Variants in CCDC171 observed in about 807,000 individuals in gnomAD.
CCDC171 encodes coiled-coil domain containing 171, also known as coiled-coil domain-containing protein 171.
Under a neutral mutation model 168.2 loss-of-function variants are expected in CCDC171, and 177 were observed. The observed-to-expected ratio is 1.05, with a 90% confidence interval of 0.93 to 1.19. The LOEUF (loss-of-function observed/expected upper bound fraction) is 1.19. Among genes scored for constraint, CCDC171 ranks in the 50% most tolerant of loss-of-function variants. The pLI is 0.00. For missense variants in CCDC171, 1,991 were observed against 1,539.0 expected, an observed-to-expected ratio of 1.29 and a Z score of -4.91; for synonymous variants, 687 against 540.8, an observed-to-expected ratio of 1.27 and a Z score of -3.75.
At chr9:15,641,551 G>A (rs192233085) in intron 7 of CCDC171, among the ~76,000 whole-genome samples, 78 of 152,264 alleles carry the variant, frequency 5.1e-4, no homozygotes, top group African/African-American at 1.7e-3. Context: ...GGGTATGTTT[G>A]GTTAGTTCTG....
intron 6 of CCDC171, among the ~76,000 whole-genome samples, chr9:15,614,020 C>G (rs952506174): frequency 2.0e-5 from 3 of 152,124 alleles, no homozygotes; most frequent in African/African-American, 7.2e-5. Context: ...AGTCTTCTAG[C>G]CTTTGCTGAG....
chr9:15,717,592 G>T (rs975827462), intron 11 of CCDC171, among the ~76,000 whole-genome samples: 1 of 152,200 alleles, frequency 6.6e-6, no homozygotes, highest in Non-Finnish European at 1.5e-5. Context: ...TTCTGCTTAA[G>T]AGGTGAGGGA....
chr9:15,556,294 A>T (rs1012209278), intron 1 of CCDC171, among the ~76,000 whole-genome samples: 1 of 152,164 alleles, frequency 6.6e-6, no homozygotes, highest in South Asian at 2.1e-4. Context: ...TTCTAGTTCT[A>T]GATCCTTGAG....
chr9:15,585,400 A>G lies in CCDC171; in HGVS notation c.353-5966A>G, dbSNP rs558986162. Among the ~76,000 whole-genome samples the G allele has an allele frequency of 4.4e-4, 67 of 152,376 alleles. 2 individuals are homozygous for G. The South Asian group carries it at 0.014, about 31-fold the overall frequency. On this transcript the variant is annotated intron_variant, in intron 4 of 25. Coordinates refer to ENST00000380701, the MANE Select transcript of CCDC171 (RefSeq NM_173550.4). Reference sequence around the variant, plus strand: ...TTATATAATGAAATGCTACTCAACAATAAGAAGAAAGCAACCACTAACGTA... The same window carrying G: ...TTATATAATGAAATGCTACTCAACAGTAAGAAGAAAGCAACCACTAACGTA...
chr9:15,626,471 G>C (rs199682036), intron 7 of CCDC171, among the ~76,000 whole-genome samples: 1 of 151,962 alleles, frequency 6.6e-6, no homozygotes, highest in African/African-American at 2.4e-5. Flanking sequence ...AGCTCTTATT[G>C]TTTTGATATA....
At chr9:15,773,122 T>C (rs947686951) in intron 18 of CCDC171, among the ~76,000 whole-genome samples, 3 of 152,166 alleles carry the variant, frequency 2.0e-5, no homozygotes, top group Non-Finnish European at 4.4e-5. Flanking sequence ...TCTTTGAGTA[T>C]GAGGACTTCA....
At chr9:15,896,018 C>G (rs769694509) in intron 24 of CCDC171, among the ~76,000 whole-genome samples, 3 of 151,948 alleles carry the variant, frequency 2.0e-5, no homozygotes, top group Non-Finnish European at 2.9e-5. Context: ...TTCTCATTCT[C>G]TGATTATTTT....
At chr9:15,614,349 C>T (rs2043928869) in intron 6 of CCDC171, among the ~76,000 whole-genome samples, 3 of 152,126 alleles carry the variant, frequency 2.0e-5, no homozygotes, top group African/African-American at 7.2e-5. Flanking sequence ...TACTACTATT[C>T]TGAGGCAATT....
At chr9:15,888,957 T>TTC (rs1448133266) in intron 24 of CCDC171, 5 of 108,872 alleles carry the variant, frequency 4.6e-5, no homozygotes, top group Admixed American at 9.2e-5. Flanking sequence ...TTCTTTTTTT[T>TTC]TTTTTTTTTT....
intron 21 of CCDC171, among the ~76,000 whole-genome samples, chr9:15,812,117 C>T (rs950847153): frequency 6.6e-6 from 1 of 152,072 alleles, no homozygotes; most frequent in Non-Finnish European, 1.5e-5. Context: ...AAGAATTAGT[C>T]AGTTTGTGAC....
chr9:15,722,961 G>A (rs930970572), intron 12 of CCDC171, among the ~76,000 whole-genome samples: 2 of 152,164 alleles, frequency 1.3e-5, no homozygotes, highest in African/African-American at 4.8e-5. Flanking sequence ...ATTACCCACA[G>A]CGAATTGTTA....
chr9:15,599,256 C>T (rs1024365283), intron 6 of CCDC171, among the ~76,000 whole-genome samples: 19 of 152,248 alleles, frequency 1.2e-4, no homozygotes, highest in East Asian at 7.7e-4. Context: ...ATGGTCTTTA[C>T]GATTTGGCAT....
intron 21 of CCDC171, among the ~76,000 whole-genome samples, chr9:15,789,936 CT>C (rs1160045183): frequency 1.3e-5 from 2 of 152,020 alleles, no homozygotes; most frequent in African/African-American, 4.8e-5. Flanking sequence ...TGAACTCATC[CT>C]TTTTTATGGC....
chr9:15,909,798 G>T (rs1823344201), intron 24 of CCDC171, among the ~76,000 whole-genome samples: 1 of 152,110 alleles, frequency 6.6e-6, no homozygotes, highest in African/African-American at 2.4e-5. Flanking sequence ...TGGTGCCAAT[G>T]AAGACACATT....
At chr9:16,093,433 C>T in the CCDC171 span, among the ~76,000 whole-genome samples, 1 of 152,186 alleles carries the variant, frequency 6.6e-6, no homozygotes, top group African/African-American at 2.4e-5. Context: ...CTATCTGATT[C>T]ATTTAATACA....
At chr9:16,003,090 C>G (rs375640806) in intron 3 of CCDC171, among the ~76,000 whole-genome samples, 98 of 152,298 alleles carry the variant, frequency 6.4e-4, no homozygotes, top group African/African-American at 2.3e-3. Flanking sequence ...ATGTTGATAA[C>G]CCCTTACACA....
At chr9:16,096,835 C>T in the CCDC171 span, among the ~76,000 whole-genome samples, 3 of 152,172 alleles carry the variant, frequency 2.0e-5, no homozygotes, top group Admixed American at 6.5e-5. Flanking sequence ...TCTGCCCACA[C>T]TTTGTAGATA....
At chr9:15,763,741 G>A (rs1460485110) in intron 18 of CCDC171, among the ~76,000 whole-genome samples, 1 of 152,172 alleles carries the variant, frequency 6.6e-6, no homozygotes, top group Non-Finnish European at 1.5e-5. Flanking sequence ...ACCTGTGACT[G>A]TAGTTTGTTC....
chr9:15,773,816 T>C (rs1029832570), intron 18 of CCDC171, among the ~76,000 whole-genome samples: 1 of 152,156 alleles, frequency 6.6e-6, no homozygotes, highest in African/African-American at 2.4e-5. Context: ...AAAAAGCTTC[T>C]GCACAGCCAA....
Sources: gnomAD v4.1 joint callset for allele counts (sites outside exome capture counted in the v4.1 genomes callset) on GRCh38, gnomAD v4.1.1 for gene constraint, MANE v1.5 for transcripts, NCBI Gene and HGNC (gene_info 2026-07-23, HGNC 2026-07-21) for gene names.